SPATA22: variants seen among roughly 807,000 people sequenced by gnomAD.
SPATA22 encodes spermatogenesis-associated protein 22.
SPATA22 carries 29 observed loss-of-function variants against 47.8 expected under a neutral mutation model. The ratio of observed to expected loss-of-function variants is 0.61; its 90% CI spans 0.45 to 0.83. The LOEUF (loss-of-function observed/expected upper bound fraction) is 0.83. Among genes scored for constraint, SPATA22 ranks in the 40% least tolerant of loss-of-function variants. The pLI is 0.00. For missense variants in SPATA22, 410 were observed against 421.7 expected (o/e 0.97, Z 0.24); for synonymous variants, 133 against 140.9 (o/e 0.94, Z 0.40).
In SPATA22 at chr17:3,440,222, T is replaced by G; in HGVS notation, c.1017A>C (p.Gln339His). The G allele has an allele frequency of 6.2e-7, 1 of 1,611,180 alleles. No homozygotes were observed. Among genetic ancestry groups the G allele is most frequent in the Non-Finnish European group, 8.5e-7 (1 of 1,178,686 alleles). The change falls in exon 9 of 9, where the codon CAA (glutamine) becomes CAC (histidine). Residue 339 changes from glutamine (Q) to histidine (H), a missense_variant. Coordinates refer to ENST00000572969, the MANE Select transcript of SPATA22 (RefSeq NM_001170698.2). ...VSVRPASVSE[Q>H]KTFQAFVKIA... ...TTTTGACAAATGCCTGGAAAGTTTT[T>G]TGTTCAGAAACAGACGCCGGTCTGA...
At chr17:3,483,770 C>G (rs1567612273) in intron 1 of SPATA22, among the ~76,000 whole-genome samples, 1 of 152,182 alleles carries the variant, frequency 6.6e-6, no homozygotes, top group Non-Finnish European at 1.5e-5. Flanking sequence ...TCAAGTGATT[C>G]TCCTGCCTCA....
intron 5 of SPATA22, among the ~76,000 whole-genome samples, chr17:3,454,594 C>A (rs936895609): frequency 5.9e-5 from 9 of 151,912 alleles, no homozygotes; most frequent in Non-Finnish European, 1.3e-4. Context: ...ATGATGATTT[C>A]CAATTTCATC....
rs762959817 is a variant in SPATA22, at chr17:3,469,346, A to G, written c.-21T>C. 1.9e-6 allele frequency: 3 copies of G among 1,544,128 alleles called. No individual in the cohort carries two copies. Among genetic ancestry groups the G allele is most frequent in the Non-Finnish European group, 1.8e-6 (2 of 1,140,512 alleles). On this transcript the variant is annotated 5_prime_UTR_variant, in exon 2 of 9. An upstream open reading frame in the 5' UTR loses its in-frame stop. Transcript: ENST00000572969. Reference sequence around the variant, plus strand: ...TTCATTTCCTTCAATATCAAAATCTATAATTTTCTATTCAGCATTCCAAAT... The same window carrying G: ...TTCATTTCCTTCAATATCAAAATCTGTAATTTTCTATTCAGCATTCCAAAT...
intron 5 of SPATA22, among the ~76,000 whole-genome samples, chr17:3,453,848 T>C (rs542639481): frequency 2.6e-5 from 4 of 152,166 alleles, no homozygotes; most frequent in East Asian, 3.9e-4. Flanking sequence ...AGACAAGTAA[T>C]ACTCAACTAG....
chr17:3,481,221 T>C (rs1411870396), intron 1 of SPATA22, among the ~76,000 whole-genome samples: 2 of 152,204 alleles, frequency 1.3e-5, no homozygotes, highest in Admixed American at 6.5e-5. Context: ...GAAAAAAAGA[T>C]GCATTTGATG....
intron 1 of SPATA22, among the ~76,000 whole-genome samples, chr17:3,477,487 C>G (rs2073546816): frequency 1.3e-5 from 2 of 152,108 alleles, no homozygotes; most frequent in South Asian, 2.1e-4. Context: ...GAGTTTCGCT[C>G]TTGTTGCCCA....
chr17:3,467,622 A>T, intron 2 of SPATA22, 68 bp from the exon 3 acceptor site: 1 of 1,320,540 alleles, frequency 7.6e-7, no homozygotes, highest in South Asian at 1.6e-5. Context: ...TAAAATAATT[A>T]CTAGTATAAT....
intron 1 of SPATA22, among the ~76,000 whole-genome samples, chr17:3,481,169 C>G (rs1459406665): frequency 1.3e-5 from 2 of 152,048 alleles, no homozygotes; most frequent in Admixed American, 6.6e-5. Flanking sequence ...ATGTGAGCCC[C>G]TAAGTGACTA....
intron 1 of SPATA22, chr17:3,502,094 G>A (rs546935921): frequency 1.3e-5 from 2 of 152,214 alleles, no homozygotes; most frequent in South Asian, 2.1e-4. Context: ...AAATTGTCAC[G>A]GCCATCCCAA....
chr17:3,443,106 G>T, intron 8 of SPATA22, 68 bp downstream of exon 8: 2 of 1,070,880 alleles, frequency 1.9e-6, no homozygotes, highest in African/African-American at 1.6e-5. Context: ...TATTTCAACT[G>T]AATTATAGCC....
intron 5 of SPATA22, among the ~76,000 whole-genome samples, chr17:3,451,533 T>C (rs536215999): frequency 6.6e-6 from 1 of 152,296 alleles, no homozygotes; most frequent in South Asian, 2.1e-4. Context: ...GATGGAACTT[T>C]CTGAAGGATA....
At chr17:3,489,551 A>G (rs968472720) in intron 1 of SPATA22, among the ~76,000 whole-genome samples, 1 of 151,388 alleles carries the variant, frequency 6.6e-6, no homozygotes, top group Admixed American at 6.6e-5. Context: ...ATTTCCTGCT[A>G]ATCTCCATTT....
intron 1 of SPATA22, chr17:3,483,719 A>G: frequency 3.4e-6 from 3 of 894,576 alleles, no homozygotes; most frequent in Non-Finnish European, 5.3e-6. Context: ...CTGGAGTCCG[A>G]TGGTGTGATC....
upstream of SPATA22, chr17:3,476,322 C>A (rs560983907): frequency 6.2e-7 from 1 of 1,614,072 alleles, no homozygotes; most frequent in South Asian, 1.1e-5. Context: ...TATTACTAAC[C>A]CCAGAGCAGT....
In SPATA22 at chr17:3,497,678, G is replaced by A. The variant is rs572362472; in HGVS notation, c.-74+15734C>T. Among the ~76,000 whole-genome samples, 19 of 152,220 alleles carry A rather than the reference G, an allele frequency of 1.2e-4. No homozygotes were observed. The South Asian group carries it at 2.7e-3, about 22-fold the overall frequency. On this transcript the variant is annotated intron_variant, in intron 1 of 8. Coordinates refer to the SPATA22 transcript ENST00000541913. ...AGGATGGAGAAAACTGCGGTGATGC[G>A]GCACTTCCCAAACACTAATGTCGTG...
chr17:3,483,538 G>A, intron 1 of SPATA22: 1 of 1,614,072 alleles, frequency 6.2e-7, no homozygotes, highest in Non-Finnish European at 8.5e-7. Context: ...TTATCTGATT[G>A]AGCATCCTTC....
chr17:3,462,899 A>G, intron 3 of SPATA22, 132 bp from the exon 4 acceptor site: 1 of 691,310 alleles, frequency 1.4e-6, no homozygotes, highest in Non-Finnish European at 2.5e-6. Flanking sequence ...GATTTCTTCA[A>G]CAGTACTTGT....
In SPATA22 at chr17:3,449,060, T is replaced by C. The variant is rs760144847; in HGVS notation, c.419A>G (p.Asn140Ser). Reference sequence around the variant, plus strand: ...CACTGGACAAGAATTTTTTCCATCATTTGCCACTAAGTTTGTTCGTTTACA... The same window carrying C: ...CACTGGACAAGAATTTTTTCCATCACTTGCCACTAAGTTTGTTCGTTTACA... ...PQCKRTNLVA[N>S]DGKNSCPVSS... The change falls in exon 6 of 9, where the codon AAT becomes AGT. Residue 140 changes from asparagine to serine, a missense_variant. By Grantham distance (46) the Asn-to-Ser change is conservative. Coordinates refer to ENST00000572969, the MANE Select transcript of SPATA22 (RefSeq NM_001170698.2). The C allele has an allele frequency of 6.2e-7, 1 of 1,614,006 alleles. No individual in the cohort carries two copies. Among genetic ancestry groups the C allele is most frequent in the East Asian group, 2.2e-5 (1 of 44,850 alleles).
At chr17:3,462,084 G>A (rs2073137175) in intron 5 of SPATA22, among the ~76,000 whole-genome samples, 1 of 152,140 alleles carries the variant, frequency 6.6e-6, no homozygotes, top group Admixed American at 6.6e-5. Context: ...GAAGCCGGCT[G>A]TCTTACAGGA....
Sources: allele counts gnomAD v4.1 joint callset (sites outside exome capture counted in the v4.1 genomes callset), GRCh38; gene constraint gnomAD v4.1.1; transcripts MANE v1.5; gene names NCBI Gene and HGNC (gene_info 2026-07-23, HGNC 2026-07-21).